Variants in CRACDL observed in about 807,000 individuals in gnomAD.
The protein encoded by CRACDL is CRACD-like protein.
A neutral mutation model predicts 70.6 loss-of-function variants in CRACDL; 26 were observed. The ratio of observed to expected loss-of-function variants is 0.37; its 90% CI spans 0.27 to 0.51. The LOEUF is 0.51. Among genes scored for constraint, CRACDL ranks in the 20% least tolerant of loss-of-function variants. The pLI, the probability that CRACDL is intolerant of heterozygous loss-of-function variation, is 0.94. For missense variants in CRACDL, 1,283 were observed against 1,376.9 expected, an observed-to-expected ratio of 0.93 and a Z score of 1.08; for synonymous variants, 618 against 615.2, an observed-to-expected ratio of 1.00 and a Z score of -0.07.
At chr2:98,915,327 C>T (rs1430409190) in intron 1 of CRACDL, among the ~76,000 whole-genome samples, 2 of 152,198 alleles carry the variant, frequency 1.3e-5, no homozygotes, top group African/African-American at 2.4e-5. Flanking sequence ...AGGAGCTGAC[C>T]GGAGCAGGTA....
rs369478612 is a variant in CRACDL at position 98,894,964 on chromosome 2, T to C, written c.-11+40974A>G. ...TTACAAACACAAAAAATTAAAAATT[T>C]AGCCAGGTGTGGTGACATGCACCTG... On this transcript the variant is annotated intron_variant, in intron 1 of 9. Coordinates refer to ENST00000397899, the MANE Select transcript of CRACDL (RefSeq NM_207362.3). Among the ~76,000 whole-genome samples, 8 of 152,252 alleles carry C rather than the reference T, an allele frequency of 5.3e-5. No individual in the cohort carries two copies. In the South Asian group the frequency reaches 8.3e-4, roughly 16 times the overall value.
At chr2:98,924,489 T>C (rs1245816506) in intron 1 of CRACDL, among the ~76,000 whole-genome samples, 1 of 152,260 alleles carries the variant, frequency 6.6e-6, no homozygotes, top group Non-Finnish European at 1.5e-5. Context: ...ATACAGCTCA[T>C]GCTCAGCCAA....
chr2:98,839,360 T>C (rs1705923478), intron 2 of CRACDL, among the ~76,000 whole-genome samples: 1 of 152,262 alleles, frequency 6.6e-6, no homozygotes, highest in South Asian at 2.1e-4. Flanking sequence ...TTCTCAACTT[T>C]ATAATCGTAA....
Position 98,936,076 on chromosome 2 carries a change from G to C in CRACDL, c.-149C>G, listed in dbSNP as rs1441616158. 1.3e-5 allele frequency: 2 copies of C among 151,884 alleles called. No individual in the cohort carries two copies. The highest frequency in any genetic ancestry group is 2.9e-5 in the Non-Finnish European group (2 of 67,924). 9.4% of individuals were successfully genotyped at this position (151,884 alleles called of 1,614,324 possible). A position where few individuals can be genotyped will look rare whatever the true frequency, so the allele number is the denominator to read the frequency against. ...AGCCGGGGCGACGCAGCAGGTGGCC[G>C]CGCGGCCTCCAGACAGCCCGGGTCT... is the stretch of plus-strand genomic sequence containing the variant. On this transcript the variant is annotated 5_prime_UTR_variant, in exon 1 of 10. Transcript: ENST00000397899.
intron 7 of CRACDL, among the ~76,000 whole-genome samples, chr2:98,804,727 C>A (rs1459494626): frequency 6.6e-6 from 1 of 152,134 alleles, no homozygotes; most frequent in Non-Finnish European, 1.5e-5. Context: ...GTTACAGTGC[C>A]GTTGGCTGTG....
intron 3 of CRACDL, among the ~76,000 whole-genome samples, chr2:98,837,886 G>T (rs1252696482): frequency 6.6e-6 from 1 of 152,066 alleles, no homozygotes; most frequent in African/African-American, 2.4e-5. Context: ...GGCTTATTTT[G>T]TCCGTTTATA....
chr2:98,899,672 A>G (rs1708215121), intron 1 of CRACDL, among the ~76,000 whole-genome samples: 1 of 152,224 alleles, frequency 6.6e-6, no homozygotes, highest in Non-Finnish European at 1.5e-5. Context: ...AATGAGAGAA[A>G]AGGGCTGAAA....
At chr2:98,880,188 T>C (rs114815262) in intron 1 of CRACDL, among the ~76,000 whole-genome samples, 2,701 of 152,306 alleles carry the variant, frequency 0.018, 88 homozygotes, top group African/African-American at 0.061. Context: ...CTGTAGTCAC[T>C]AAGGGAGCAT....
intron 1 of CRACDL, among the ~76,000 whole-genome samples, chr2:98,909,692 G>A (rs761111340): frequency 2.6e-5 from 4 of 152,176 alleles, no homozygotes; most frequent in African/African-American, 9.7e-5. Flanking sequence ...TCCAGGGAAC[G>A]GGCCTGGCAC....
intron 5 of CRACDL, among the ~76,000 whole-genome samples, chr2:98,827,840 G>A (rs1431497946): frequency 1.3e-5 from 2 of 152,208 alleles, no homozygotes; most frequent in African/African-American, 2.4e-5. Flanking sequence ...ACCTGGTCCT[G>A]TCTCTGGAAG....
chr2:98,869,228 T>C, intron 1 of CRACDL: 2 of 1,294,964 alleles, frequency 1.5e-6, no homozygotes, highest in South Asian at 1.3e-5. Flanking sequence ...GGGTCACCAC[T>C]GGTTGCTGAT....
intron 1 of CRACDL, among the ~76,000 whole-genome samples, chr2:98,930,388 C>T (rs1221265908): frequency 8.3e-5 from 5 of 60,318 alleles, no homozygotes; most frequent in Middle Eastern, 7.4e-3. Context: ...TACCGTGTCC[C>T]CTACCCCATC....
intron 1 of CRACDL, among the ~76,000 whole-genome samples, chr2:98,880,667 G>A (rs954832727): frequency 1.3e-5 from 2 of 152,168 alleles, no homozygotes; most frequent in Non-Finnish European, 2.9e-5. Flanking sequence ...TGGCCACAAA[G>A]CCAGGAGAGG....
At chr2:98,806,067 T>C (rs1460084246) in intron 7 of CRACDL, among the ~76,000 whole-genome samples, 1 of 152,232 alleles carries the variant, frequency 6.6e-6, no homozygotes, top group African/African-American at 2.4e-5. Context: ...GCAGCATTTA[T>C]TTACGAGGGC....
At chr2:98,897,075 C>T (rs1573164979) in intron 1 of CRACDL, among the ~76,000 whole-genome samples, 1 of 152,118 alleles carries the variant, frequency 6.6e-6, no homozygotes, top group East Asian at 1.9e-4. Context: ...TGTCCCATCA[C>T]CACCCCACCC....
intron 7 of CRACDL, among the ~76,000 whole-genome samples, chr2:98,816,072 T>G (rs903758441): frequency 1.3e-5 from 2 of 152,252 alleles, no homozygotes; most frequent in South Asian, 4.1e-4. Flanking sequence ...GGATCTGGGC[T>G]AGGAAAGTCC....
At chr2:98,838,074 T>C in intron 3 of CRACDL, 45 bp downstream of exon 3, 1 of 1,504,868 alleles carries the variant, frequency 6.6e-7, no homozygotes, top group Non-Finnish European at 9.0e-7. Context: ...AATGAAATCA[T>C]GTATTTAGGT....
intron 1 of CRACDL, among the ~76,000 whole-genome samples, chr2:98,933,204 G>A (rs1233667202): frequency 2.0e-5 from 3 of 152,164 alleles, no homozygotes; most frequent in Admixed American, 1.3e-4. Context: ...AATGTGAGCC[G>A]GAGGCTCCAT....
intron 1 of CRACDL, among the ~76,000 whole-genome samples, chr2:98,889,808 G>T (rs1331910091): frequency 4.6e-5 from 7 of 152,078 alleles, no homozygotes; most frequent in African/African-American, 1.7e-4. Flanking sequence ...ATCATGCAAG[G>T]TATGTTCTCC....
Sources: gnomAD v4.1 joint callset for allele counts (sites outside exome capture counted in the v4.1 genomes callset) on GRCh38, gnomAD v4.1.1 for gene constraint, MANE v1.5 for transcripts, NCBI Gene and HGNC (gene_info 2026-07-23, HGNC 2026-07-21) for gene names.